RHAG: variants seen among roughly 807,000 people sequenced by gnomAD.
RHAG encodes the protein ammonium transporter Rh type A.
Under a neutral mutation model 42.4 loss-of-function variants are expected in RHAG, and 25 were observed. That is an observed-to-expected ratio of 0.59 (90% CI 0.43 to 0.82). The LOEUF is 0.82. Ranked by LOEUF, RHAG falls within the 40% of genes least tolerant of loss-of-function variation. The probability of loss-of-function intolerance (pLI) is 0.00; values close to 1 mark genes in which losing one functional copy is unlikely to be tolerated. For missense variants in RHAG, 483 were observed against 504.6 expected (o/e 0.96, Z 0.41); for synonymous variants, 182 against 177.7 (o/e 1.02, Z -0.19).
chr6:49,609,737 T>G (rs1762539720), intron 7 of RHAG, among the ~76,000 whole-genome samples: 1 of 152,208 alleles, frequency 6.6e-6, no homozygotes, highest in Non-Finnish European at 1.5e-5. Context: ...CTCAACAGGG[T>G]TAAATTTTAA....
chr6:49,606,674 A>T (rs925888445), intron 9 of RHAG, 174 bp downstream of exon 9: 2 of 603,170 alleles, frequency 3.3e-6, no homozygotes, highest in Middle Eastern at 4.0e-4. Flanking sequence ...GGCATCAAAC[A>T]ATCCTCCAGC....
rs1762710318 is a variant in RHAG at position 49,619,249 on chromosome 6, G to T, written c.271C>A (p.Leu91Ile). ...CCCTGTACAATAGTGCCCCACTGGA[G>T]GCCCAAAGCAGCAACGAGTAGGTTG... ...GINLLVAALG[L>I]QWGTIVQGIL... The change falls in exon 2 of 10, where the codon CTC (leucine) becomes ATC (isoleucine). Residue 91 changes from leucine to isoleucine, a missense_variant. By Grantham distance (5) the Leu-to-Ile change is conservative (BLOSUM62 2). Coordinates refer to ENST00000371175, the MANE Select transcript of RHAG (RefSeq NM_000324.3). 6.2e-7 allele frequency: 1 copy of T among 1,614,056 alleles called. No individual in the cohort carries two copies. Among genetic ancestry groups the T allele is most frequent in the Non-Finnish European group, 8.5e-7 (1 of 1,179,986 alleles).
intron 1 of RHAG, among the ~76,000 whole-genome samples, chr6:49,630,058 A>G (rs1313169483): frequency 1.3e-5 from 2 of 152,164 alleles, no homozygotes; most frequent in Non-Finnish European, 2.9e-5. Flanking sequence ...TAGGCAGAGG[A>G]GGCGCCGAGA....
Position 49,605,804 on chromosome 6 carries a change from A to T in RHAG, c.*9T>A. The T allele has an allele frequency of 1.2e-6, 2 of 1,612,912 alleles. No individual in the cohort carries two copies. Among genetic ancestry groups the T allele is most frequent in the Admixed American group, 1.7e-5 (1 of 59,982 alleles). ...TGTGGTCACCATGTCCATGGAACTG[A>T]TTGTCAAGTTATCTCGTCTTAGGGA... On this transcript the variant is annotated 3_prime_UTR_variant, in exon 10 of 10. Coordinates refer to ENST00000371175, the MANE Select transcript of RHAG (RefSeq NM_000324.3).
Position 49,612,523 on chromosome 6 carries a change from C to G in RHAG, c.819G>C (p.Gln273His). The change falls in exon 6 of 10, where the codon CAG becomes CAC. Residue 273 changes from glutamine (Q) to histidine (H), a missense_variant. Coordinates refer to ENST00000371175, the MANE Select transcript of RHAG (RefSeq NM_000324.3). ...HRGKLNMVHI[Q>H]NATLAGGVAV... ...CAACTCCTCCAGCAAGGGTGGCATT[C>G]TGAATGTGAACCTGTGTGAGCGGCA... The G allele has an allele frequency of 6.2e-7, 1 of 1,614,084 alleles. No individual in the cohort carries two copies. Among genetic ancestry groups the G allele is most frequent in the Non-Finnish European group, 8.5e-7 (1 of 1,179,984 alleles).
At chr6:49,616,081 A>G (rs1255354705) in intron 3 of RHAG, among the ~76,000 whole-genome samples, 2 of 152,180 alleles carry the variant, frequency 1.3e-5, no homozygotes, top group African/African-American at 4.8e-5. Context: ...CTCTCAACAG[A>G]GTTTGTGGTG....
At chr6:49,624,222 G>C (rs1454935504) in intron 1 of RHAG, among the ~76,000 whole-genome samples, 1 of 151,830 alleles carries the variant, frequency 6.6e-6, no homozygotes, top group Admixed American at 6.6e-5. Flanking sequence ...AATTTATTTT[G>C]AGATGGAGTC....
intron 1 of RHAG, among the ~76,000 whole-genome samples, chr6:49,631,373 C>G (rs1166949821): frequency 2.6e-5 from 4 of 152,152 alleles, no homozygotes; most frequent in African/African-American, 7.2e-5. Flanking sequence ...TGTCTATTCT[C>G]CTTTATATTA....
At chr6:49,613,070 T>C (rs746814281) in intron 5 of RHAG, among the ~76,000 whole-genome samples, 47 of 125,000 alleles carry the variant, frequency 3.8e-4, no homozygotes, top group Non-Finnish European at 4.9e-4. Flanking sequence ...GAGGAACTGA[T>C]TTTTTTTTTT....
intron 1 of RHAG, among the ~76,000 whole-genome samples, chr6:49,633,664 A>G (rs549463057): frequency 6.6e-6 from 1 of 152,212 alleles, no homozygotes; most frequent in South Asian, 2.1e-4. Flanking sequence ...TTTCATGTAA[A>G]ATTTCACTTT....
Position 49,605,584 on chromosome 6 carries a change from T to C in RHAG, c.*229A>G, listed in dbSNP as rs918593599. On this transcript the variant is annotated 3_prime_UTR_variant, in exon 10 of 10. Transcript: ENST00000371175. ...TGTTTTATGAGTAACATCCCCTCAA[T>C]TAATCATTGAAGAGCAAGAGACAGC... is the stretch of plus-strand genomic sequence containing the variant. 3.2e-6 allele frequency: 2 copies of C among 617,736 alleles called. No homozygotes were observed. Among genetic ancestry groups the C allele is most frequent in the Admixed American group, 2.5e-5 (1 of 39,524 alleles). 38.3% of individuals were successfully genotyped at this position (617,736 alleles called of 1,614,324 possible).
intron 1 of RHAG, among the ~76,000 whole-genome samples, chr6:49,633,327 G>C (rs1470704499): frequency 1.3e-5 from 2 of 151,982 alleles, no homozygotes; most frequent in Non-Finnish European, 2.9e-5. Flanking sequence ...CACCCAAAAT[G>C]TTTACTCATT....
chr6:49,622,501 G>A (rs1428987021), intron 1 of RHAG, among the ~76,000 whole-genome samples: 1 of 152,030 alleles, frequency 6.6e-6, no homozygotes, highest in Non-Finnish European at 1.5e-5. Context: ...AAGCCACCGC[G>A]CCTGGCAATC....
At position 49,636,805 on chromosome 6, in the gene RHAG, A is replaced by T. The variant is rs1203802192; in HGVS notation, c.8T>A (p.Phe3Tyr). Residue 3 changes from phenylalanine (F) to tyrosine (Y), a missense_variant, in exon 1 of 10, where the codon TTC becomes TAC. Transcript: ENST00000371175. MR[F>Y]TFPLMAIVLE... ...GACTATAGCCATGAGAGGGAATGTG[A>T]ACCTCATGTTTGTGGCAAAGGACAG... 1.2e-6 allele frequency: 2 copies of T among 1,613,668 alleles called. No individual in the cohort carries two copies. The highest frequency in any genetic ancestry group is 1.7e-6 in the Non-Finnish European group (2 of 1,179,724).
Position 49,611,011 on chromosome 6 carries a change from T to G in RHAG, c.1067+13A>C. ...GGGACCACAGGGGCTGAAAAACCCATTCTTTTACTCACGTGTTGGAGGCGC... is the reference window on the plus strand; with the variant it reads ...GGGACCACAGGGGCTGAAAAACCCAGTCTTTTACTCACGTGTTGGAGGCGC... On this transcript the variant is annotated intron_variant, in intron 7 of 9. Coordinates refer to ENST00000371175, the MANE Select transcript of RHAG (RefSeq NM_000324.3). 6.2e-7 allele frequency: 1 copy of G among 1,613,724 alleles called. No individual in the cohort carries two copies.
intron 1 of RHAG, 73 bp downstream of exon 1, chr6:49,636,583 T>C (rs369164086): frequency 7.1e-7 from 1 of 1,415,316 alleles, no homozygotes; most frequent in Non-Finnish European, 1.0e-6. Context: ...GGGTTTATAG[T>C]ATTCAATTGT....
chr6:49,620,184 G>A (rs957199111), intron 1 of RHAG, among the ~76,000 whole-genome samples: 1 of 152,072 alleles, frequency 6.6e-6, no homozygotes, highest in Non-Finnish European at 1.5e-5. Flanking sequence ...TGTGACCCTG[G>A]GCAAGTCACT....
intron 6 of RHAG, 61 bp downstream of exon 6, chr6:49,612,336 G>A (rs1386435893): frequency 3.9e-6 from 6 of 1,553,514 alleles, no homozygotes; most frequent in Non-Finnish European, 5.3e-6. Context: ...TTCTGCTGGT[G>A]GGACATGTGA....
At chr6:49,612,855 T>C (rs1562013295) in intron 5 of RHAG, among the ~76,000 whole-genome samples, 1 of 152,178 alleles carries the variant, frequency 6.6e-6, no homozygotes, top group African/African-American at 2.4e-5. Flanking sequence ...ATTCTCGCAA[T>C]GTTTTTTCTA....
Sources: allele counts gnomAD v4.1 joint callset (sites outside exome capture counted in the v4.1 genomes callset), GRCh38; gene constraint gnomAD v4.1.1; transcripts MANE v1.5; gene names NCBI Gene and HGNC (gene_info 2026-07-23, HGNC 2026-07-21).